The following ZNF763 variants were observed in gnomAD, a reference collection of about 807,000 sequenced individuals.
ZNF763 encodes DNA-binding protein.
In ZNF763, 33 loss-of-function variants were observed where a neutral mutation model predicts 38.0. The ratio of observed to expected loss-of-function variants is 0.87; its 90% CI spans 0.66 to 1.16. ZNF763 has a LOEUF of 1.16. Ranked by LOEUF, ZNF763 falls within the 50% of genes most tolerant of loss-of-function variation. The pLI, the probability that ZNF763 is intolerant of heterozygous loss-of-function variation, is 0.00. For missense variants in ZNF763, 423 were observed against 469.1 expected, an observed-to-expected ratio of 0.90 and a Z score of 0.91; for synonymous variants, 155 against 160.1, an observed-to-expected ratio of 0.97 and a Z score of 0.24.
chr19:11,977,275 T>C (rs1164135943), intron 2 of ZNF763, 96 bp from the exon 3 acceptor site: 1 of 1,603,258 alleles, frequency 6.2e-7, no homozygotes, highest in East Asian at 2.2e-5. Context: ...GATGAATAAA[T>C]GAGGCATGGC....
intron 1 of ZNF763, among the ~76,000 whole-genome samples, chr19:11,970,012 C>A (rs1159385852): frequency 1.3e-5 from 2 of 152,138 alleles, no homozygotes; most frequent in Non-Finnish European, 2.9e-5. Flanking sequence ...GGTATTAGTG[C>A]CTTAGGGGAG....
intron 1 of ZNF763, among the ~76,000 whole-genome samples, chr19:11,967,430 A>C (rs1485019289): frequency 6.6e-6 from 1 of 151,936 alleles, no homozygotes; most frequent in Non-Finnish European, 1.5e-5. Flanking sequence ...TTTGAGACGG[A>C]GTCTCGCTCT....
Position 11,978,876 on chromosome 19 carries a change from A to C in ZNF763, c.952A>C (p.Asn318His). ...GAAGCCCTGTGAATGTAGCAAATGT[A>C]ATAAAGCATTCCGTAGTTACAGATC... Reference protein sequence around the residue: ...GEKPCECSKCNKAFRSYRSYL... With the variant: ...GEKPCECSKCHKAFRSYRSYL... The change falls in exon 4 of 4, where the codon AAT (asparagine) becomes CAT (histidine). Residue 318 changes from asparagine (N) to histidine (H), a missense_variant. Transcript: ENST00000358987. The C allele has an allele frequency of 1.9e-6, 3 of 1,613,988 alleles. No homozygotes were observed. Among genetic ancestry groups the C allele is most frequent in the Non-Finnish European group, 2.5e-6 (3 of 1,179,980 alleles).
chr19:11,978,179 C>T lies in ZNF763; in HGVS notation c.255C>T (p.Thr85=), dbSNP rs979009377. The change falls in exon 4 of 4, where the codon ACC becomes ACT. Residue 85 remains threonine (T), a synonymous_variant. Transcript: ENST00000358987. ...KEDSHCGETF[T]QVPDDRLNFQ... ...ACAGTCATTGTGGAGAAACTTTTAC[C>T]CAGGTTCCAGATGACAGGCTGAACT... The T allele has an allele frequency of 6.2e-7, 1 of 1,613,712 alleles. No homozygotes were observed. Among genetic ancestry groups the T allele is most frequent in the African/African-American group, 1.3e-5 (1 of 74,850 alleles).
chr19:11,976,805 G>T, intron 1 of ZNF763: 3 of 1,246,056 alleles, frequency 2.4e-6, no homozygotes, highest in South Asian at 1.8e-5. Context: ...CATGAGCCAA[G>T]ATCGCATCAT....
Position 11,979,641 on chromosome 19 carries a change from G to A in ZNF763, c.*532G>A. ...GAGAAACCCTATGAGTGTAAGCAAT[G>A]TGGGAAAGCCTTCAGATCTGCCTCA... is the stretch of plus-strand genomic sequence containing the variant. On this transcript the variant is annotated 3_prime_UTR_variant, in exon 4 of 4. Coordinates refer to ENST00000358987, the MANE Select transcript of ZNF763 (RefSeq NM_001367172.2). 1 of 1,605,538 alleles carries A rather than the reference G, an allele frequency of 6.2e-7. No homozygotes were observed. Among genetic ancestry groups the A allele is most frequent in the South Asian group, 1.1e-5 (1 of 90,946 alleles).
At chr19:11,975,499 G>A (rs533354359) in intron 1 of ZNF763, among the ~76,000 whole-genome samples, 1 of 152,054 alleles carries the variant, frequency 6.6e-6, no homozygotes, top group East Asian at 1.9e-4. Flanking sequence ...CCGGGTTCAC[G>A]CCATTCTCCT....
At position 11,979,764 on chromosome 19, in the gene ZNF763, A is replaced by C; in HGVS notation, c.*655A>C. The C allele has an allele frequency of 6.3e-7, 1 of 1,583,170 alleles. No individual in the cohort carries two copies. The highest frequency in any genetic ancestry group is 2.3e-5 in the East Asian group (1 of 44,306). Reference sequence around the variant, plus strand: ...AGATCTGCCCCACACCTTCGAATCCATGGTAGAACTCACACTGGAGAGAAA... The same window carrying C: ...AGATCTGCCCCACACCTTCGAATCCCTGGTAGAACTCACACTGGAGAGAAA... On this transcript the variant is annotated 3_prime_UTR_variant, in exon 4 of 4. Transcript: ENST00000358987.
At chr19:11,970,962 T>C (rs1280087297) in intron 1 of ZNF763, among the ~76,000 whole-genome samples, 2 of 152,076 alleles carry the variant, frequency 1.3e-5, no homozygotes, top group African/African-American at 2.4e-5. Flanking sequence ...AAAAACTAGA[T>C]GCCCTGGTCT....
chr19:11,965,846 G>C (rs1245907772), intron 1 of ZNF763, among the ~76,000 whole-genome samples: 2 of 152,160 alleles, frequency 1.3e-5, no homozygotes, highest in Non-Finnish European at 2.9e-5. Context: ...AGAGAGACAG[G>C]AATTGCAGGG....
intron 1 of ZNF763, among the ~76,000 whole-genome samples, chr19:11,975,466 C>T (rs893146807): frequency 1.3e-5 from 2 of 150,634 alleles, no homozygotes; most frequent in East Asian, 2.0e-4. Flanking sequence ...GGCGCAATCT[C>T]GGCTCACTGC....
rs369627452 is a variant in ZNF763, at chr19:11,978,574, T to A, written c.650T>A (p.Ile217Asn). 3 of 1,614,190 alleles carry A rather than the reference T, an allele frequency of 1.9e-6. No homozygotes were observed. The Admixed American group carries it at 5.0e-5, about 27-fold the overall frequency. ...KAVHCLRLYLIHERTHTGEKP... is the reference protein window; with the variant it reads ...KAVHCLRLYLNHERTHTGEKP... ...GTCCATTGTCTCAGATTATATCTTA[T>A]CCATGAAAGAACTCACACTGGAGAG... Residue 217 changes from isoleucine (I) to asparagine (N), a missense_variant, in exon 4 of 4, where the codon ATC (isoleucine) becomes AAC (asparagine). Physicochemically the swap from Ile to Asn is moderately radical, Grantham distance 149. Coordinates refer to ENST00000358987, the MANE Select transcript of ZNF763 (RefSeq NM_001367172.2).
intron 1 of ZNF763, among the ~76,000 whole-genome samples, chr19:11,968,011 G>A (rs1973272715): frequency 6.6e-6 from 1 of 152,164 alleles, no homozygotes; most frequent in Non-Finnish European, 1.5e-5. Context: ...CGGATGTTCT[G>A]TCGTTGTGGG....
chr19:11,969,145 GC>G (rs2145326681), intron 1 of ZNF763, among the ~76,000 whole-genome samples: 1 of 152,152 alleles, frequency 6.6e-6, no homozygotes, highest in East Asian at 1.9e-4. Flanking sequence ...CACTCTGTCG[GC>G]TAGGCTGGAG....
At chr19:11,977,525 A>G in intron 3 of ZNF763, 94 bp downstream of exon 3, 1 of 1,409,404 alleles carries the variant, frequency 7.1e-7, no homozygotes, top group Non-Finnish European at 9.8e-7. Flanking sequence ...TAAGTCCAGT[A>G]TCAAATTCAT....
intron 1 of ZNF763, among the ~76,000 whole-genome samples, chr19:11,973,537 C>A (rs1220136905): frequency 6.6e-6 from 1 of 152,060 alleles, no homozygotes; most frequent in Non-Finnish European, 1.5e-5. Context: ...TCATCACTAA[C>A]ATTCCATTCT....
chr19:11,974,159 C>CTTTCTTTCT (rs1973431106), intron 1 of ZNF763, among the ~76,000 whole-genome samples: 1 of 75,860 alleles, frequency 1.3e-5, no homozygotes, highest in African/African-American at 6.4e-5. Flanking sequence ...TCTTTCTTTC[C>CTTTCTTTCT]TTCCTTCCTT....
Position 11,980,128 on chromosome 19 carries a change from T to C in ZNF763, c.*1019T>C. 1 of 828,260 alleles carries C rather than the reference T, an allele frequency of 1.2e-6. No individual in the cohort carries two copies. Among genetic ancestry groups the C allele is most frequent in the Non-Finnish European group, 1.9e-6 (1 of 525,092 alleles). 51.3% of individuals were successfully genotyped at this position (828,260 alleles called of 1,614,324 possible). A position where few individuals can be genotyped will look rare whatever the true frequency, so the allele number is the denominator to read the frequency against. ...CACACCTTCGAAAACATGGTAGGAC[T>C]CACACTGGATAGAAACCAAAGCAGG... is the stretch of plus-strand genomic sequence containing the variant. On this transcript the variant is annotated 3_prime_UTR_variant, in exon 4 of 4. Coordinates refer to ENST00000358987, the MANE Select transcript of ZNF763 (RefSeq NM_001367172.2).
Position 11,979,368 on chromosome 19 carries a change from A to G in ZNF763, c.*259A>G. 6.2e-7 allele frequency: 1 copy of G among 1,611,734 alleles called. No individual in the cohort carries two copies. The highest frequency in any genetic ancestry group is 8.5e-7 in the Non-Finnish European group (1 of 1,179,008). On this transcript the variant is annotated 3_prime_UTR_variant, in exon 4 of 4. Transcript: ENST00000358987. ...GGAGAGAAACCCTATGAGTGTAAGG[A>G]ATGTGGGAAAGCCTTCAGATCTGCC...
Sources: allele counts gnomAD v4.1 joint callset (sites outside exome capture counted in the v4.1 genomes callset), GRCh38; gene constraint gnomAD v4.1.1; transcripts MANE v1.5; gene names NCBI Gene and HGNC (gene_info 2026-07-23, HGNC 2026-07-21).